Variants in WDR62 observed in about 807,000 individuals in gnomAD.
WDR62 encodes WD repeat domain 62, also known as WD repeat-containing protein 62.
WDR62 carries 112 observed loss-of-function variants against 160.6 expected under a neutral mutation model. The observed-to-expected ratio is 0.70, with a 90% CI of 0.60 to 0.82. The LOEUF (loss-of-function observed/expected upper bound fraction) is 0.82, where lower values mean the gene tolerates loss of function less well. WDR62 is among the 40% of genes least tolerant of loss of function. The pLI, the probability that WDR62 is intolerant of heterozygous loss-of-function variation, is 0.00. For synonymous variants in WDR62, 792 were observed against 815.1 expected (o/e 0.97, Z 0.48); for missense variants, 1,819 against 1,983.8 (o/e 0.92, Z 1.58).
chr19:36,073,557 C>A (rs199608995), intron 9 of WDR62, 26 bp downstream of exon 9: 1 of 1,474,976 alleles, frequency 6.8e-7, no homozygotes, highest in South Asian at 1.2e-5. Context: ...ACCCCCTTGC[C>A]CCTGCTTGGC....
intron 7 of WDR62, among the ~76,000 whole-genome samples, chr19:36,069,794 G>T (rs1204812332): frequency 6.6e-6 from 1 of 152,260 alleles, no homozygotes; most frequent in African/African-American, 2.4e-5. Flanking sequence ...CTGGAGACCA[G>T]CCCGGCCAAC....
intron 23 of WDR62, 83 bp from the exon 24 acceptor site, chr19:36,101,131 G>T: frequency 3.7e-6 from 5 of 1,345,946 alleles, no homozygotes; most frequent in Non-Finnish European, 5.2e-6. Context: ...GCGGGTACAG[G>T]TGCCTAGGGG....
intron 7 of WDR62, among the ~76,000 whole-genome samples, chr19:36,069,467 CG>C: frequency 6.6e-6 from 1 of 151,478 alleles, no homozygotes; most frequent in Non-Finnish European, 1.5e-5. Context: ...ACTTTCTAGA[CG>C]GAATGGCAGC....
rs569184204 is a variant in WDR62, at chr19:36,083,575, TGGA to T, written c.1550+340_1550+342del. Among the ~76,000 whole-genome samples, 111 of 152,248 alleles carry T rather than the reference TGGA, an allele frequency of 7.3e-4. 3 individuals are homozygous for T. In the South Asian group the frequency reaches 0.021, roughly 29 times the overall value. ...CTGAACTGTCACCGAAGATGCCAGC[TGGA>T]GGAGGGTCCTGGTGGCTCTGGGAGA... On this transcript the variant is annotated intron_variant, in intron 11 of 31. Transcript: ENST00000401500.
chr19:36,070,555 C>G (rs1415302639), intron 7 of WDR62: 2 of 152,254 alleles, frequency 1.3e-5, no homozygotes, highest in Non-Finnish European at 2.9e-5. Context: ...GCTATCCGCC[C>G]GAGCGTTGTG....
At chr19:36,109,434 C>T (rs1158731288), downstream of WDR62, among the ~76,000 whole-genome samples, 1 of 152,158 alleles carries the variant, frequency 6.6e-6, no homozygotes, top group Admixed American at 6.6e-5. Context: ...AGGTCTGGAG[C>T]TTAGAAAATT....
At chr19:36,058,296 G>A (rs1301059666) in intron 1 of WDR62, among the ~76,000 whole-genome samples, 1 of 152,184 alleles carries the variant, frequency 6.6e-6, no homozygotes, top group East Asian at 1.9e-4. Context: ...AGGTTGCAAT[G>A]AGCCAAGATC....
intron 30 of WDR62, 53 bp from the exon 31 acceptor site, chr19:36,104,465 C>A (rs1973610250): frequency 1.2e-6 from 2 of 1,605,796 alleles, no homozygotes; most frequent in Non-Finnish European, 8.5e-7. Flanking sequence ...GCTCTGGCCG[C>A]TCACACCAAT....
downstream of WDR62, among the ~76,000 whole-genome samples, chr19:36,107,366 G>C (rs1254039856): frequency 6.6e-6 from 1 of 152,162 alleles, no homozygotes; most frequent in Non-Finnish European, 1.5e-5. Context: ...GCTAGAAGCT[G>C]CCCCGATAGT....
At position 36,089,210 on chromosome 19, in the gene WDR62, G is replaced by A. The variant is rs761754553; in HGVS notation, c.1862G>A (p.Arg621His). 1.1e-5 allele frequency: 17 copies of A among 1,614,172 alleles called. No individual in the cohort carries two copies. The highest frequency in any genetic ancestry group is 1.4e-5 in the Non-Finnish European group (16 of 1,180,028). The change falls in exon 15 of 32, where the codon CGT (arginine) becomes CAT (histidine). Residue 621 changes from arginine to histidine, a missense_variant. Physicochemically the swap from Arg to His is conservative, Grantham distance 29. Coordinates refer to ENST00000401500, the MANE Select transcript of WDR62 (RefSeq NM_001083961.2). ...QQGSDGLHFV[R>H]THHVAEKTTL... ...GGTTCGGATGGACTACACTTTGTCC[G>A]TACCCACCACGTAGCAGAGAAAACC...
intron 1 of WDR62, among the ~76,000 whole-genome samples, chr19:36,058,242 C>T (rs960732671): frequency 6.6e-6 from 1 of 152,156 alleles, no homozygotes; most frequent in Non-Finnish European, 1.5e-5. Context: ...ATCCTAGCTA[C>T]TCAGGAGGCT....
At chr19:36,055,457 C>T (rs1970310698) in intron 1 of WDR62, among the ~76,000 whole-genome samples, 1 of 152,186 alleles carries the variant, frequency 6.6e-6, no homozygotes, top group Admixed American at 6.5e-5. Flanking sequence ...CGTTCTATCG[C>T]CTTTAGACGT....
chr19:36,091,165 C>T, intron 16 of WDR62, 35 bp from the exon 17 acceptor site: 2 of 1,578,020 alleles, frequency 1.3e-6, no homozygotes, highest in South Asian at 2.2e-5. Context: ...AAGAAGCAGG[C>T]AGCTGGAGTG....
intron 26 of WDR62, 180 bp from the exon 27 acceptor site, chr19:36,102,557 G>T: frequency 1.6e-6 from 1 of 629,394 alleles, no homozygotes; most frequent in South Asian, 1.9e-5. Flanking sequence ...CACCGTGCCC[G>T]GCCCACTGCT....
intron 5 of WDR62, among the ~76,000 whole-genome samples, chr19:36,067,060 A>G (rs1162127749): frequency 2.0e-5 from 3 of 152,098 alleles, no homozygotes; most frequent in Admixed American, 2.0e-4. Flanking sequence ...CAGAGCTTAG[A>G]CCCTTGGAGA....
Position 36,065,987 on chromosome 19 carries a change from C to T in WDR62, c.362C>T (p.Pro121Leu), listed in dbSNP as rs1568328337. The T allele has an allele frequency of 3.1e-6, 5 of 1,614,090 alleles. No homozygotes were observed. In the African/African-American group the frequency reaches 6.7e-5, roughly 22 times the overall value. ...RKSLSALAFS[P>L]DGKYIVTGEN... ...TCTCTCAGTGCTCTGGCCTTCTCCC[C>T]TGATGGGAAGTACATAGTGACAGGG... The change falls in exon 4 of 32, where the codon CCT (proline) becomes CTT (leucine). Residue 121 changes from proline to leucine, a missense_variant. By Grantham distance (98) the Pro-to-Leu change is moderately conservative (BLOSUM62 -3). Coordinates refer to ENST00000401500, the MANE Select transcript of WDR62 (RefSeq NM_001083961.2).
At chr19:36,095,399 G>T (rs949130614) in intron 20 of WDR62, among the ~76,000 whole-genome samples, 13 of 152,018 alleles carry the variant, frequency 8.6e-5, no homozygotes, top group African/African-American at 1.2e-4. Flanking sequence ...ACCCACTTCT[G>T]AGCCAGTTGT....
chr19:36,071,690 A>G lies in WDR62; in HGVS notation c.1017A>G (p.Val339=). 1 of 1,614,072 alleles carries G rather than the reference A, an allele frequency of 6.2e-7. No homozygotes were observed. The part of the protein sequence containing the change: ...ANLPKPHYLG[V]DVAQGLEPSF... Reference sequence around the variant, plus strand: ...TGCCCAAGCCACACTACCTTGGGGTAGACGTGGCACAGGGCCTGGAGCCCA... The same window carrying G: ...TGCCCAAGCCACACTACCTTGGGGTGGACGTGGCACAGGGCCTGGAGCCCA... The change falls in exon 8 of 32, where the codon GTA becomes GTG. Residue 339 remains valine, a synonymous_variant. Coordinates refer to ENST00000401500, the MANE Select transcript of WDR62 (RefSeq NM_001083961.2).
Position 36,102,120 on chromosome 19 carries a change from C to CT in WDR62, c.3192dup (p.Glu1065Ter). 1 of 1,614,150 alleles carries CT rather than the reference C, an allele frequency of 6.2e-7. No individual in the cohort carries two copies. The highest frequency in any genetic ancestry group is 8.5e-7 in the Non-Finnish European group (1 of 1,180,052). ...AGCAGGAGAAGTTCCTCCGCCACCA[C>CT]TTTGAGACACTGACTGAGTCCCCCT... On this transcript the variant is annotated frameshift_variant, in exon 26 of 32. Transcript: ENST00000401500. LOFTEE classifies it high-confidence loss of function.
Sources: allele counts gnomAD v4.1 joint callset (sites outside exome capture counted in the v4.1 genomes callset), GRCh38; gene constraint gnomAD v4.1.1; transcripts MANE v1.5; gene names NCBI Gene and HGNC (gene_info 2026-07-23, HGNC 2026-07-21).